NOL4: variants seen among roughly 807,000 people sequenced by gnomAD.
NOL4 encodes nucleolar protein 4.
Under a neutral mutation model 75.9 loss-of-function variants are expected in NOL4, and 17 were observed. The ratio of observed to expected loss-of-function variants is 0.22; its 90% CI spans 0.15 to 0.34. The LOEUF (loss-of-function observed/expected upper bound fraction) is 0.34. Ranked by LOEUF, NOL4 falls within the 10% of genes least tolerant of loss-of-function variation. The pLI is 1.00. For missense variants in NOL4, 614 were observed against 793.5 expected, an observed-to-expected ratio of 0.77 and a Z score of 2.72; for synonymous variants, 292 against 289.9, an observed-to-expected ratio of 1.01 and a Z score of -0.07.
At chr18:33,919,786 G>C (rs151075166) in intron 9 of NOL4, among the ~76,000 whole-genome samples, 11 of 152,274 alleles carry the variant, frequency 7.2e-5, no homozygotes, top group African/African-American at 2.6e-4. Context: ...CTGGGTAACA[G>C]CTTTGTCTCT....
At chr18:33,973,349 C>T (rs562706273) in intron 6 of NOL4, among the ~76,000 whole-genome samples, 21 of 152,264 alleles carry the variant, frequency 1.4e-4, no homozygotes, top group African/African-American at 4.8e-4. Context: ...TATTTCCACA[C>T]GTCTACAATG....
At chr18:33,955,586 C>T (rs2069583930) in intron 8 of NOL4, among the ~76,000 whole-genome samples, 1 of 152,014 alleles carries the variant, frequency 6.6e-6, no homozygotes, top group Non-Finnish European at 1.5e-5. Flanking sequence ...TGGCTCTGAA[C>T]TCCCTGGCAG....
At chr18:33,881,634 G>T (rs958111976) in intron 10 of NOL4, among the ~76,000 whole-genome samples, 7 of 151,986 alleles carry the variant, frequency 4.6e-5, no homozygotes, top group Non-Finnish European at 1.0e-4. Flanking sequence ...ACTGCCCAAG[G>T]TAATTTACAG....
intron 4 of NOL4, among the ~76,000 whole-genome samples, chr18:34,102,924 A>G (rs1044835907): frequency 6.6e-6 from 1 of 152,034 alleles, no homozygotes; most frequent in Admixed American, 6.6e-5. Context: ...ATGGCAATAT[A>G]AAATCCAATA....
chr18:33,958,827 G>C (rs2069867788), intron 6 of NOL4, among the ~76,000 whole-genome samples: 1 of 151,880 alleles, frequency 6.6e-6, no homozygotes, highest in African/African-American at 2.4e-5. Flanking sequence ...ATTAGTACTA[G>C]TATTACACTT....
intron 2 of NOL4, among the ~76,000 whole-genome samples, chr18:34,107,671 G>A (rs1259281068): frequency 1.7e-4 from 24 of 144,780 alleles, no homozygotes; most frequent in Non-Finnish European, 3.0e-4. Context: ...CTCCTGCAAC[G>A]CACGTAAAGA....
At position 34,184,217 on chromosome 18, in the gene NOL4, C is replaced by T. The variant is rs183991782; in HGVS notation, c.264+38773G>A. Among the ~76,000 whole-genome samples, 460 of 151,766 alleles carry T rather than the reference C, an allele frequency of 3.0e-3. 5 individuals are homozygous for T. The highest frequency in any genetic ancestry group is 0.011 in the African/African-American group (446 of 41,460). On this transcript the variant is annotated intron_variant, in intron 1 of 10. Coordinates refer to ENST00000261592, the MANE Select transcript of NOL4 (RefSeq NM_003787.5). ...ACTGCAAACAGGCTCAGTGCTAATTCTGAGTATGTACTGGATTTACCTAAA... is the reference window on the plus strand; with the variant it reads ...ACTGCAAACAGGCTCAGTGCTAATTTTGAGTATGTACTGGATTTACCTAAA...
At chr18:33,947,038 C>A (rs557106596) in intron 8 of NOL4, among the ~76,000 whole-genome samples, 2 of 151,780 alleles carry the variant, frequency 1.3e-5, no homozygotes, top group East Asian at 3.9e-4. Context: ...CTCCAATACA[C>A]ACAGGGCTCA....
At chr18:33,883,676 A>C (rs1472946560) in intron 9 of NOL4, among the ~76,000 whole-genome samples, 1 of 152,158 alleles carries the variant, frequency 6.6e-6, no homozygotes, top group East Asian at 1.9e-4. Context: ...ACATGAAGAA[A>C]GTTACTCACA....
chr18:34,059,775 G>A (rs762679923), intron 5 of NOL4, among the ~76,000 whole-genome samples: 35 of 152,152 alleles, frequency 2.3e-4, no homozygotes, highest in Non-Finnish European at 4.7e-4. Flanking sequence ...TTGTACCACT[G>A]AGCCACCAAG....
At chr18:33,992,682 C>T (rs756208674) in intron 6 of NOL4, among the ~76,000 whole-genome samples, 7 of 151,978 alleles carry the variant, frequency 4.6e-5, no homozygotes, top group Non-Finnish European at 7.4e-5. Context: ...TCTCATCTGG[C>T]ATTCAGCTCC....
chr18:33,997,599 C>G (rs959629610), intron 6 of NOL4, among the ~76,000 whole-genome samples: 6 of 150,488 alleles, frequency 4.0e-5, no homozygotes, highest in African/African-American at 1.5e-4. Flanking sequence ...TCACATCAAA[C>G]TATACTTCAA....
At chr18:34,045,342 C>T (rs985588891) in intron 5 of NOL4, among the ~76,000 whole-genome samples, 2 of 152,152 alleles carry the variant, frequency 1.3e-5, no homozygotes. Context: ...AGTTTAGGCT[C>T]TTAGTCCTAA....
chr18:34,214,767 C>T (rs2146590657), intron 1 of NOL4, among the ~76,000 whole-genome samples: 1 of 152,148 alleles, frequency 6.6e-6, no homozygotes, highest in Non-Finnish European at 1.5e-5. Context: ...ATCCAAATGG[C>T]CATCAACTAA....
In NOL4 at chr18:34,200,852, A is replaced by T. The variant is rs539383823; in HGVS notation, c.264+22138T>A. ...TTCCATGTGGCAAGAAGAGTTCCAT[A>T]AGAAAGACAATTTTTTTTTCCCAGA... On this transcript the variant is annotated intron_variant, in intron 1 of 10. Transcript: ENST00000261592. Among the ~76,000 whole-genome samples, 22 of 151,930 alleles carry T rather than the reference A, an allele frequency of 1.4e-4. No homozygotes were observed. The South Asian group carries it at 4.6e-3, about 31-fold the overall frequency.
At chr18:34,070,097 TC>T (rs1452724085) in intron 5 of NOL4, among the ~76,000 whole-genome samples, 1 of 152,244 alleles carries the variant, frequency 6.6e-6, no homozygotes, top group African/African-American at 2.4e-5. Context: ...ATTGGCGCAA[TC>T]CCGGCTCACT....
intron 6 of NOL4, among the ~76,000 whole-genome samples, chr18:33,992,990 T>G (rs147088803): frequency 5.3e-5 from 8 of 152,074 alleles, no homozygotes; most frequent in African/African-American, 1.7e-4. Flanking sequence ...AATAGAGGTT[T>G]TAGTGGACGG....
At position 34,169,378 on chromosome 18, in the gene NOL4, A is replaced by G. The variant is rs142398456; in HGVS notation, c.265-39358T>C. On this transcript the variant is annotated intron_variant, in intron 1 of 10. Transcript: ENST00000261592. ...AAATAAGGTAAATAAGTATACTGTA[A>G]ACCCTAAAGTAACCATTGGTATTTA... Among the ~76,000 whole-genome samples, 14 of 152,032 alleles carry G rather than the reference A, an allele frequency of 9.2e-5. No individual in the cohort carries two copies. In the East Asian group the frequency reaches 2.7e-3, roughly 29 times the overall value.
At chr18:34,095,251 A>ATGTGTGTGTGTGTG (rs60017439) in intron 4 of NOL4, among the ~76,000 whole-genome samples, 2,590 of 144,464 alleles carry the variant, frequency 0.018, 43 homozygotes, top group South Asian at 0.033. Context: ...TCTAATGTGT[A>ATGTGTGTGTGTGTG]TGTGTGTGTG....
Sources: allele counts gnomAD v4.1 joint callset (sites outside exome capture counted in the v4.1 genomes callset), GRCh38; gene constraint gnomAD v4.1.1; transcripts MANE v1.5; gene names NCBI Gene and HGNC (gene_info 2026-07-23, HGNC 2026-07-21).